Variants in ELFN1 observed in about 807,000 individuals in gnomAD.
ELFN1 encodes protein ELFN1.
Under a neutral mutation model 7.6 loss-of-function variants are expected in ELFN1, and 6 were observed. The observed-to-expected ratio is 0.79, with a 90% CI of 0.43 to 1.56. The LOEUF is 1.56. Ranked by LOEUF, ELFN1 falls within the 40% of genes most tolerant of loss-of-function variation. ELFN1 has a pLI of 0.01. For synonymous variants in ELFN1, 657 were observed against 588.1 expected, an observed-to-expected ratio of 1.12 and a Z score of -1.70; for missense variants, 1,169 against 1,232.2, an observed-to-expected ratio of 0.95 and a Z score of 0.77.
rs1332156034 is a variant in ELFN1 at position 1,670,813 on chromosome 7, T to A, written c.-549+459T>A. ...CTCCCCAGGCTCGCATCGCCCTCCCTGCTGGGCCGCCCTCCCCCCGACGCT... is the reference window on the plus strand; with the variant it reads ...CTCCCCAGGCTCGCATCGCCCTCCCAGCTGGGCCGCCCTCCCCCCGACGCT... On this transcript the variant is annotated intron_variant, in intron 1 of 3. Coordinates refer to ENST00000424383, the MANE Select transcript of ELFN1 (RefSeq NM_001128636.4). The surrounding 1 kb of genome is among the most constrained non-coding windows in gnomAD (Gnocchi z 6.4). Among the ~76,000 whole-genome samples the A allele has an allele frequency of 6.6e-6, 1 of 151,428 alleles. No homozygotes were observed. Among genetic ancestry groups the A allele is most frequent in the African/African-American group, 2.4e-5 (1 of 41,246 alleles).
chr7:1,672,033 A>G (rs1464186573), intron 1 of ELFN1, among the ~76,000 whole-genome samples: 1 of 152,112 alleles, frequency 6.6e-6, no homozygotes, highest in Non-Finnish European at 1.5e-5. Flanking sequence ...CCCCTGTCCT[A>G]CAGCCAGCTG....
At position 1,745,603 on chromosome 7, in the gene ELFN1, C is replaced by G; in HGVS notation, c.1007C>G (p.Pro336Arg). The G allele has an allele frequency of 6.4e-7, 1 of 1,550,988 alleles. No homozygotes were observed. The highest frequency in any genetic ancestry group is 8.7e-7 in the Non-Finnish European group (1 of 1,146,974). Residue 336 changes from proline to arginine, a missense_variant, in exon 4 of 4, where the codon CCC (proline) becomes CGC (arginine). Coordinates refer to ENST00000424383, the MANE Select transcript of ELFN1 (RefSeq NM_001128636.4). ...QNSATITVQLPSPFHRMYTLE... is the reference protein window; with the variant it reads ...QNSATITVQLRSPFHRMYTLE... ...TCGGCCACCATCACCGTCCAGCTGC[C>G]CAGCCCGTTCCACCGGATGTACACC...
intron 2 of ELFN1, among the ~76,000 whole-genome samples, chr7:1,702,921 G>A (rs551501188): frequency 8.9e-5 from 13 of 145,898 alleles, no homozygotes; most frequent in South Asian, 4.1e-4. Context: ...TAGCTGCACC[G>A]TGGTGTGATA....
intron 1 of ELFN1, among the ~76,000 whole-genome samples, chr7:1,678,903 C>A (rs1379966216): frequency 6.6e-6 from 1 of 152,176 alleles, no homozygotes; most frequent in Admixed American, 6.5e-5. Flanking sequence ...GGATTTGGAG[C>A]ACGGGTGATG....
intron 3 of ELFN1, among the ~76,000 whole-genome samples, chr7:1,726,048 TCACA>T (rs896532072): frequency 5.3e-5 from 8 of 151,484 alleles, no homozygotes; most frequent in African/African-American, 1.7e-4. Context: ...AAAATCACAC[TCACA>T]CACAATACAC....
intron 2 of ELFN1, among the ~76,000 whole-genome samples, chr7:1,703,146 G>A (rs559210491): frequency 6.6e-6 from 1 of 152,064 alleles, no homozygotes; most frequent in Non-Finnish European, 1.5e-5. Context: ...CTGATTATAC[G>A]GGAGGTTGAG....
chr7:1,746,998 G>A lies in ELFN1; in HGVS notation c.2402G>A (p.Arg801His). The A allele has an allele frequency of 1.3e-6, 2 of 1,565,660 alleles. No homozygotes were observed. Among genetic ancestry groups the A allele is most frequent in the East Asian group, 2.4e-5 (1 of 41,932 alleles). ...EEFMAAGHAL[R>H]KKVQFAKDED... ...TTCATGGCCGCGGGCCATGCCCTGC[G>A]CAAGAAGGTTCAGTTCGCCAAAGAC... The change falls in exon 4 of 4, where the codon CGC becomes CAC. Residue 801 changes from arginine to histidine, a missense_variant. Physicochemically the swap from Arg to His is conservative, Grantham distance 29. Coordinates refer to ENST00000424383, the MANE Select transcript of ELFN1 (RefSeq NM_001128636.4).
intron 2 of ELFN1, among the ~76,000 whole-genome samples, chr7:1,708,409 C>T (rs1779582296): frequency 6.6e-6 from 1 of 152,196 alleles, no homozygotes; most frequent in Admixed American, 6.5e-5. Flanking sequence ...ACTGACCAGC[C>T]CAAGGTCTGT....
rs755942752 is a variant in ELFN1 at position 1,705,216 on chromosome 7, G to T, written c.-455-3875G>T. On this transcript the variant is annotated intron_variant, in intron 2 of 3. Coordinates refer to ENST00000424383, the MANE Select transcript of ELFN1 (RefSeq NM_001128636.4). This position sits in a 1 kb window ranked among gnomAD's most constrained non-coding sequence, Gnocchi z 4.3. ...GGGTGGCAGGGACCCTGGGCGGGGC[G>T]GCACAGCTGTGCGGGAGGCTGGGCT... Among the ~76,000 whole-genome samples, 2 of 152,172 alleles carry T rather than the reference G, an allele frequency of 1.3e-5. No homozygotes were observed. Among genetic ancestry groups the T allele is most frequent in the Non-Finnish European group, 2.9e-5 (2 of 68,012 alleles).
intron 3 of ELFN1, among the ~76,000 whole-genome samples, chr7:1,723,559 C>G (rs1335394357): frequency 6.6e-6 from 1 of 152,236 alleles, no homozygotes; most frequent in Non-Finnish European, 1.5e-5. Context: ...CTGGTCCACT[C>G]TCTCATGGAC....
At chr7:1,728,022 C>G (rs1288475733) in intron 3 of ELFN1, among the ~76,000 whole-genome samples, 3 of 152,220 alleles carry the variant, frequency 2.0e-5, no homozygotes, top group Non-Finnish European at 4.4e-5. Flanking sequence ...CCAAGCACCA[C>G]CCCTTTGCAT....
At chr7:1,726,820 C>T (rs1468089187) in intron 3 of ELFN1, among the ~76,000 whole-genome samples, 3 of 152,200 alleles carry the variant, frequency 2.0e-5, no homozygotes, top group African/African-American at 7.2e-5. Context: ...GATGCCTCCT[C>T]CACCAGAACT....
intron 3 of ELFN1, among the ~76,000 whole-genome samples, chr7:1,713,506 A>G (rs1779728069): frequency 6.6e-6 from 1 of 152,110 alleles, no homozygotes; most frequent in South Asian, 2.1e-4. Context: ...CCTGTGTTCA[A>G]GGCCTGGTCC....
intron 1 of ELFN1, among the ~76,000 whole-genome samples, chr7:1,677,876 G>C (rs1778902024): frequency 6.6e-6 from 1 of 152,074 alleles, no homozygotes; most frequent in Non-Finnish European, 1.5e-5. Flanking sequence ...GGAGCGGCCG[G>C]CTCCCCTGTC....
At chr7:1,688,633 C>A (rs1314074904) in intron 2 of ELFN1, among the ~76,000 whole-genome samples, 1 of 152,130 alleles carries the variant, frequency 6.6e-6, no homozygotes, top group Non-Finnish European at 1.5e-5. Context: ...ATTAAATTTT[C>A]TATTTTAAGA....
rs578032746 is a variant in ELFN1, at chr7:1,683,476, A to G, written c.-548-4582A>G. Among the ~76,000 whole-genome samples the G allele has an allele frequency of 2.6e-5, 4 of 152,336 alleles. No homozygotes were observed. In the South Asian group the frequency reaches 8.3e-4, roughly 32 times the overall value. On this transcript the variant is annotated intron_variant, in intron 1 of 3. Transcript: ENST00000424383. ...ATCTGTTGGTGTAAAGTTGTTCATA[A>G]TATTCCTTTATATTTCCACATACAT...
intron 3 of ELFN1, among the ~76,000 whole-genome samples, chr7:1,723,662 G>A (rs1156679000): frequency 6.6e-6 from 1 of 152,124 alleles, no homozygotes; most frequent in Non-Finnish European, 1.5e-5. Flanking sequence ...GCCCCGGCCT[G>A]GGGCTTGGGC....
At chr7:1,732,194 C>A (rs565934572) in intron 3 of ELFN1, among the ~76,000 whole-genome samples, 2 of 152,230 alleles carry the variant, frequency 1.3e-5, no homozygotes, top group South Asian at 4.1e-4. Context: ...AATCTGGGGG[C>A]TGAACAGAGA....
intron 1 of ELFN1, among the ~76,000 whole-genome samples, chr7:1,680,479 T>G (rs1467015370): frequency 6.6e-6 from 1 of 152,204 alleles, no homozygotes; most frequent in Non-Finnish European, 1.5e-5. Flanking sequence ...TGCGCTTGTT[T>G]CCCTTGCGTG....
Sources: allele counts gnomAD v4.1 joint callset (sites outside exome capture counted in the v4.1 genomes callset), GRCh38; gene constraint gnomAD v4.1.1; non-coding constraint Gnocchi (gnomAD v3.1); transcripts MANE v1.5; gene names NCBI Gene and HGNC (gene_info 2026-07-23, HGNC 2026-07-21).